FAM193A: variants seen among roughly 807,000 people sequenced by gnomAD.
FAM193A encodes protein FAM193A.
A neutral mutation model predicts 126.5 loss-of-function variants in FAM193A; 22 were observed. The ratio of observed to expected loss-of-function variants is 0.17; its 90% CI spans 0.12 to 0.25. FAM193A has a LOEUF of 0.25. Among genes scored for constraint, FAM193A ranks in the 10% least tolerant of loss-of-function variants. FAM193A has a pLI of 1.00. For synonymous variants in FAM193A, 761 were observed against 646.8 expected, an observed-to-expected ratio of 1.18 and a Z score of -2.68; for missense variants, 1,675 against 1,672.8, an observed-to-expected ratio of 1.00 and a Z score of -0.02.
At chr4:2,538,827 C>T (rs1737049622) in intron 1 of FAM193A, among the ~76,000 whole-genome samples, 1 of 152,150 alleles carries the variant, frequency 6.6e-6, no homozygotes, top group South Asian at 2.1e-4. Flanking sequence ...GCCTTTCATA[C>T]CATTTCAAGT....
chr4:2,680,645 C>G (rs1036137894), intron 13 of FAM193A, among the ~76,000 whole-genome samples: 1 of 150,116 alleles, frequency 6.7e-6, no homozygotes, highest in Non-Finnish European at 1.5e-5. Flanking sequence ...CCAATACTTA[C>G]TTACTTTTTT....
At chr4:2,553,381 T>A (rs1738061310) in intron 1 of FAM193A, among the ~76,000 whole-genome samples, 1 of 115,792 alleles carries the variant, frequency 8.6e-6, no homozygotes, top group African/African-American at 3.6e-5. Context: ...CCCTTCTTTT[T>A]GTTTTTTTTT....
chr4:2,593,946 C>G (rs541484669), intron 1 of FAM193A, among the ~76,000 whole-genome samples: 1 of 150,800 alleles, frequency 6.6e-6, no homozygotes, highest in African/African-American at 2.4e-5. Context: ...TCATGGTACT[C>G]GGTGGTTTGA....
intron 7 of FAM193A, 141 bp downstream of exon 7, chr4:2,646,973 T>A: frequency 4.3e-6 from 4 of 920,380 alleles, no homozygotes; most frequent in Admixed American, 3.3e-5. Context: ...GGGTAGCCCC[T>A]GTGTGTTAGC....
At chr4:2,720,728 A>T (rs1194730445) in intron 20 of FAM193A, among the ~76,000 whole-genome samples, 1 of 152,236 alleles carries the variant, frequency 6.6e-6, no homozygotes, top group Non-Finnish European at 1.5e-5. Context: ...GAGCATTTAT[A>T]ATAGCACCAA....
chr4:2,544,207 G>A (rs918483938), intron 1 of FAM193A, among the ~76,000 whole-genome samples: 1 of 152,176 alleles, frequency 6.6e-6, no homozygotes, highest in East Asian at 1.9e-4. Flanking sequence ...TACCTGCAGA[G>A]AGCATGTCTG....
At chr4:2,557,133 A>G (rs1043429714) in intron 1 of FAM193A, among the ~76,000 whole-genome samples, 10 of 152,196 alleles carry the variant, frequency 6.6e-5, no homozygotes, top group South Asian at 2.1e-4. Flanking sequence ...AGGCACAGTG[A>G]GAGATTAACA....
At chr4:2,697,982 C>G (rs1458239267) in intron 18 of FAM193A, among the ~76,000 whole-genome samples, 1 of 152,234 alleles carries the variant, frequency 6.6e-6, no homozygotes, top group Non-Finnish European at 1.5e-5. Context: ...TGGTCTGAAT[C>G]CAGACTTGAG....
intron 5 of FAM193A, among the ~76,000 whole-genome samples, chr4:2,635,950 AT>A (rs1744046434): frequency 1.3e-5 from 2 of 152,086 alleles, no homozygotes; most frequent in Non-Finnish European, 2.9e-5. Flanking sequence ...GGTTGAAGTT[AT>A]TGAAGAAAAT....
In FAM193A at chr4:2,586,908, C is replaced by T. The variant is rs1740272261; in HGVS notation, c.256-9176C>T. ...GCTCAAGCAACCCTTTCACCCAAGC[C>T]TCCCAAAGTGCTGGGATTACAGGAG... On this transcript the variant is annotated intron_variant, in intron 1 of 20. Coordinates refer to ENST00000637812, the MANE Select transcript of FAM193A (RefSeq NM_001366318.2). Among the ~76,000 whole-genome samples, 3 of 152,208 alleles carry T rather than the reference C, an allele frequency of 2.0e-5. No individual in the cohort carries two copies. The South Asian group carries it at 6.2e-4, about 31-fold the overall frequency.
chr4:2,640,951 C>T (rs926832602), intron 6 of FAM193A, among the ~76,000 whole-genome samples: 33 of 151,076 alleles, frequency 2.2e-4, no homozygotes, highest in African/African-American at 6.8e-4. Context: ...GGTGATAGAG[C>T]GAGATGCTGT....
chr4:2,670,940 C>T (rs1418756936), intron 12 of FAM193A, among the ~76,000 whole-genome samples: 2 of 152,142 alleles, frequency 1.3e-5, no homozygotes, highest in African/African-American at 4.8e-5. Flanking sequence ...GTATCTCCCA[C>T]ATTATGTGGC....
At chr4:2,706,075 G>A (rs1718267155) in intron 19 of FAM193A, among the ~76,000 whole-genome samples, 1 of 152,064 alleles carries the variant, frequency 6.6e-6, no homozygotes, top group African/African-American at 2.4e-5. Flanking sequence ...GGGCATGGTG[G>A]TGCACACCAG....
chr4:2,697,496 G>C (rs767615214), intron 18 of FAM193A, among the ~76,000 whole-genome samples: 35 of 152,240 alleles, frequency 2.3e-4, no homozygotes, highest in Admixed American at 7.9e-4. Flanking sequence ...TGGGCTGCAT[G>C]CAGAGGGAAC....
At chr4:2,683,943 C>T (rs946039722) in intron 13 of FAM193A, among the ~76,000 whole-genome samples, 4 of 152,190 alleles carry the variant, frequency 2.6e-5, no homozygotes, top group Non-Finnish European at 4.4e-5. Flanking sequence ...TTTCCTTGGC[C>T]GTGTCGTCTC....
At chr4:2,644,873 T>C (rs34986912) in intron 6 of FAM193A, among the ~76,000 whole-genome samples, 4,968 of 152,306 alleles carry the variant, frequency 0.033, 95 homozygotes, top group South Asian at 0.076. Context: ...TATGAAAATA[T>C]AGAAAATCGT....
intron 2 of FAM193A, among the ~76,000 whole-genome samples, chr4:2,597,250 A>G (rs1399934704): frequency 4.6e-5 from 7 of 152,084 alleles, no homozygotes; most frequent in South Asian, 2.1e-4. Context: ...CTAACATACT[A>G]TGTATTTTAC....
chr4:2,577,411 G>GTTTTTTTTT (rs67407606), intron 1 of FAM193A, among the ~76,000 whole-genome samples: 8 of 101,854 alleles, frequency 7.9e-5, no homozygotes, highest in South Asian at 3.1e-4. Flanking sequence ...AATTAAAGTG[G>GTTTTTTTTT]TTTTTTTTTT....
At chr4:2,635,852 G>A (rs1011392745) in intron 5 of FAM193A, among the ~76,000 whole-genome samples, 25 of 152,264 alleles carry the variant, frequency 1.6e-4, no homozygotes, top group African/African-American at 5.3e-4. Context: ...TATTTCTTAA[G>A]AAGAGTGGGT....
Sources: allele counts gnomAD v4.1 joint callset (sites outside exome capture counted in the v4.1 genomes callset), GRCh38; gene constraint gnomAD v4.1.1; transcripts MANE v1.5; gene names NCBI Gene and HGNC (gene_info 2026-07-23, HGNC 2026-07-21).